The following UTP14C variants were observed in gnomAD, a reference collection of about 807,000 sequenced individuals.
The protein encoded by UTP14C is UTP14C small subunit processome component, also known as U3 small nucleolar RNA-associated protein 14 homolog C.
Under a neutral mutation model 14.6 loss-of-function variants are expected in UTP14C, and 10 were observed. The ratio of observed to expected loss-of-function variants is 0.68; its 90% CI spans 0.42 to 1.16. The LOEUF (loss-of-function observed/expected upper bound fraction) is 1.16, where lower values mean the gene tolerates loss of function less well. Among genes scored for constraint, UTP14C ranks in the 50% most tolerant of loss-of-function variants. The probability of loss-of-function intolerance (pLI) is 0.00; values close to 1 mark genes in which losing one functional copy is unlikely to be tolerated. For synonymous variants in UTP14C, 315 were observed against 331.6 expected (o/e 0.95, Z 0.54); for missense variants, 818 against 890.8 (o/e 0.92, Z 1.04).
At chr13:52,027,862 T>G (rs963903599) in intron 1 of UTP14C, among the ~76,000 whole-genome samples, 1 of 152,264 alleles carries the variant, frequency 6.6e-6, no homozygotes, top group African/African-American at 2.4e-5. Context: ...CCTGTTAATA[T>G]TCTACCATCT....
chr13:52,025,351 C>G (rs1217640585), intron 1 of UTP14C, among the ~76,000 whole-genome samples: 1 of 152,152 alleles, frequency 6.6e-6, no homozygotes, highest in African/African-American at 2.4e-5. Context: ...TTTCTCTCTC[C>G]ATCTAACCCC....
rs755920768 is a variant in UTP14C, at chr13:52,030,784, TAAG to T, written c.1983_1985del (p.Lys661del). The T allele has an allele frequency of 1.2e-6, 2 of 1,614,098 alleles. No individual in the cohort carries two copies. The highest frequency in any genetic ancestry group is 1.7e-5 in the Admixed American group (1 of 60,024). On this transcript the variant is annotated inframe_deletion, in exon 2 of 2. Coordinates refer to ENST00000521776, the MANE Select transcript of UTP14C (RefSeq NM_021645.6). ...CCCCTGAGGGTCCTCCAAGAAAAGA[TAAG>T]AATTTGCCAAATGTGATTATCAGTG...
In UTP14C at chr13:52,028,803, A is replaced by G. The variant is rs1401234090; in HGVS notation, c.-2A>G. 20 of 1,614,250 alleles carry G rather than the reference A, an allele frequency of 1.2e-5. No homozygotes were observed. Among genetic ancestry groups the G allele is most frequent in the Non-Finnish European group, 1.7e-5 (20 of 1,180,042 alleles). ...TATACATGAGAGAGGCTGGCTGCTGAGATGAATGTGAACCAGGTTGCAGAG... is the reference window on the plus strand; with the variant it reads ...TATACATGAGAGAGGCTGGCTGCTGGGATGAATGTGAACCAGGTTGCAGAG... On this transcript the variant is annotated 5_prime_UTR_variant, in exon 2 of 2. It removes the in-frame stop codon of an upstream open reading frame in the 5' UTR. Transcript: ENST00000521776.
Position 52,024,711 on chromosome 13 carries a change from T to C in UTP14C, c.-713T>C. 1 of 1,614,220 alleles carries C rather than the reference T, an allele frequency of 6.2e-7. No homozygotes were observed. The highest frequency in any genetic ancestry group is 8.5e-7 in the Non-Finnish European group (1 of 1,180,024). ...TCAGAGCCTTTGCTAAATTGCTGAA[T>C]AAGAAGATGGTTGAGTCACCTCCTT... On this transcript the variant is annotated 5_prime_UTR_variant, in exon 1 of 2. Transcript: ENST00000521776.
At chr13:52,026,750 A>C (rs895523423) in intron 1 of UTP14C, among the ~76,000 whole-genome samples, 2 of 152,178 alleles carry the variant, frequency 1.3e-5, no homozygotes, top group Non-Finnish European at 2.9e-5. Context: ...ATTTGAGTTC[A>C]TCTGTGGGAC....
In UTP14C at chr13:52,029,403, A is replaced by T; in HGVS notation, c.599A>T (p.Asp200Val). 6.2e-7 allele frequency: 1 copy of T among 1,614,160 alleles called. No homozygotes were observed. The highest frequency in any genetic ancestry group is 8.5e-7 in the Non-Finnish European group (1 of 1,180,040). Residue 200 changes from aspartate to valine, a missense_variant, in exon 2 of 2, where the codon GAT becomes GTT. Coordinates refer to ENST00000521776, the MANE Select transcript of UTP14C (RefSeq NM_021645.6). Reference sequence around the variant, plus strand: ...CATAAGAACAAGCAGCCAGTGACAGATCCTTTACTGACTCCCATGGAAAAG... The same window carrying T: ...CATAAGAACAAGCAGCCAGTGACAGTTCCTTTACTGACTCCCATGGAAAAG... ...LLHKNKQPVT[D>V]PLLTPMEKAS...
In UTP14C at chr13:52,030,316, G is replaced by A. The variant is rs2140852136; in HGVS notation, c.1512G>A (p.Glu504=). The A allele has an allele frequency of 1.9e-6, 3 of 1,614,220 alleles. No individual in the cohort carries two copies. Among genetic ancestry groups the A allele is most frequent in the Non-Finnish European group, 2.5e-6 (3 of 1,180,030 alleles). Residue 504 remains glutamate, a synonymous_variant, in exon 2 of 2, where the codon GAG becomes GAA. Transcript: ENST00000521776. ...EAEPLLLQRS[E]RVQTLEELEE... is the part of the protein sequence containing the mutation. ...AACCCCTATTGCTACAGAGGTCAGAGAGAGTACAAACTCTGGAAGAGCTAG... is the reference window on the plus strand; with the variant it reads ...AACCCCTATTGCTACAGAGGTCAGAAAGAGTACAAACTCTGGAAGAGCTAG...
In UTP14C at chr13:52,030,631, A is replaced by G; in HGVS notation, c.1827A>G (p.Lys609=). Residue 609 remains lysine, a synonymous_variant, in exon 2 of 2, where the codon AAA becomes AAG. Transcript: ENST00000521776. The part of the protein sequence containing the change: ...AGDDVIRDFL[K]EKREAVEASK... ...ATGATGTCATCAGAGATTTCTTGAA[A>G]GAGAAGAGGGAAGCTGTGGAGGCGA... is the stretch of plus-strand genomic sequence containing the variant. 2 of 1,613,580 alleles carry G rather than the reference A, an allele frequency of 1.2e-6. No individual in the cohort carries two copies. The highest frequency in any genetic ancestry group is 1.7e-6 in the Non-Finnish European group (2 of 1,179,956).
intron 1 of UTP14C, 143 bp from the exon 2 acceptor site, chr13:52,028,176 G>T: frequency 1.1e-6 from 1 of 933,934 alleles, no homozygotes. Flanking sequence ...TACTGTAGAA[G>T]TTGAATAAGC....
In UTP14C at chr13:52,031,132, A is replaced by G. The variant is rs537354895; in HGVS notation, c.*27A>G. The G allele has an allele frequency of 9.0e-5, 142 of 1,579,298 alleles. 1 individual carries two copies. In the South Asian group the frequency reaches 1.6e-3, roughly 17 times the overall value. On this transcript the variant is annotated 3_prime_UTR_variant, in exon 2 of 2. Coordinates refer to ENST00000521776, the MANE Select transcript of UTP14C (RefSeq NM_021645.6). ...TTGTGTAGCTGGAGAAGTGACAGTCAGGGGCCCTGATTCCACTTCCTTTGG... is the reference window on the plus strand; with the variant it reads ...TTGTGTAGCTGGAGAAGTGACAGTCGGGGGCCCTGATTCCACTTCCTTTGG...
Position 52,029,904 on chromosome 13 carries a change from T to C in UTP14C, c.1100T>C (p.Val367Ala). Residue 367 changes from valine (V) to alanine (A), a missense_variant, in exon 2 of 2, where the codon GTG (valine) becomes GCG (alanine). Transcript: ENST00000521776. ...PHVANEVQMN[V>A]DGPNPWMFRS... is the part of the protein sequence containing the mutation. ...GTAGCGAATGAAGTGCAGATGAATGTGGACGGACCGAATCCCTGGATGTTC... is the reference window on the plus strand; with the variant it reads ...GTAGCGAATGAAGTGCAGATGAATGCGGACGGACCGAATCCCTGGATGTTC... The C allele has an allele frequency of 4.3e-6, 7 of 1,614,198 alleles. No homozygotes were observed. The highest frequency in any genetic ancestry group is 5.9e-6 in the Non-Finnish European group (7 of 1,180,040).
At position 52,030,954 on chromosome 13, in the gene UTP14C, C is replaced by T. The variant is rs1350588666; in HGVS notation, c.2150C>T (p.Thr717Ile). Residue 717 changes from threonine (T) to isoleucine (I), a missense_variant, in exon 2 of 2, where the codon ACT (threonine) becomes ATT (isoleucine). By Grantham distance (89) the Thr-to-Ile change is moderately conservative. Coordinates refer to ENST00000521776, the MANE Select transcript of UTP14C (RefSeq NM_021645.6). ...NTQRAFQKLT[T>I]PKVVTKPGHI... ...CAGAGGGCTTTCCAAAAGCTGACTA[C>T]TCCCAAGGTCGTCACCAAGCCAGGC... The T allele has an allele frequency of 6.2e-7, 1 of 1,614,070 alleles. No homozygotes were observed. Among genetic ancestry groups the T allele is most frequent in the Non-Finnish European group, 8.5e-7 (1 of 1,180,034 alleles).
chr13:52,030,817 G>T lies in UTP14C; in HGVS notation c.2013G>T (p.Lys671Asn), dbSNP rs758161781. 6.2e-7 allele frequency: 1 copy of T among 1,614,152 alleles called. No individual in the cohort carries two copies. Among genetic ancestry groups the T allele is most frequent in the Non-Finnish European group, 8.5e-7 (1 of 1,180,036 alleles). ...TGCCAAATGTGATTATCAGTGAGAA[G>T]CGCAACATCCACGCAGCAGCTCATC... ...KNLPNVIISE[K>N]RNIHAAAHQV... Residue 671 changes from lysine (K) to asparagine (N), a missense_variant, in exon 2 of 2, where the codon AAG becomes AAT. Coordinates refer to ENST00000521776, the MANE Select transcript of UTP14C (RefSeq NM_021645.6).
Position 52,032,176 on chromosome 13 carries a change from T to A in UTP14C, c.*1071T>A, listed in dbSNP as rs1209335009. 1 of 153,868 alleles carries A rather than the reference T, an allele frequency of 6.5e-6. No individual in the cohort carries two copies. The highest frequency in any genetic ancestry group is 1.5e-5 in the Non-Finnish European group (1 of 68,058). 9.5% of individuals were successfully genotyped at this position (153,868 alleles called of 1,614,324 possible). ...GGCAGAGGTTGCAGTGAGCCAAGAT[T>A]GTGCCACTGCACTCTAGCCTGGGCA... On this transcript the variant is annotated 3_prime_UTR_variant, in exon 2 of 2. Coordinates refer to ENST00000521776, the MANE Select transcript of UTP14C (RefSeq NM_021645.6).
Position 52,028,750 on chromosome 13 carries a change from A to G in UTP14C, c.-55A>G, listed in dbSNP as rs765550103. ...AAAGGAAGTGTTGAAAAGAAAATGG[A>G]TGACTAGCCTTCGGCTTCCATTCTT... is the stretch of plus-strand genomic sequence containing the variant. On this transcript the variant is annotated 5_prime_UTR_variant, in exon 2 of 2. It removes an upstream start codon present in the reference 5' UTR. Coordinates refer to ENST00000521776, the MANE Select transcript of UTP14C (RefSeq NM_021645.6). The G allele has an allele frequency of 1.1e-4, 175 of 1,612,376 alleles. No homozygotes were observed. Among genetic ancestry groups the G allele is most frequent in the Non-Finnish European group, 1.4e-4 (160 of 1,178,754 alleles).
chr13:52,024,927 T>C lies in UTP14C; in HGVS notation c.-497T>C, dbSNP rs1418984574. 5 of 1,609,098 alleles carry C rather than the reference T, an allele frequency of 3.1e-6. No individual in the cohort carries two copies. The highest frequency in any genetic ancestry group is 2.2e-5 in the East Asian group (1 of 44,882). On this transcript the variant is annotated 5_prime_UTR_variant, in exon 1 of 2. Transcript: ENST00000521776. ...GTCTGCATACCATGTGGAACGAGCA[T>C]TTTGGGATTGGTGAGTTTGGCCTTT...
rs1260468124 is a variant in UTP14C, at chr13:52,029,486, A to G, written c.682A>G (p.Arg228Gly). 1 of 1,614,100 alleles carries G rather than the reference A, an allele frequency of 6.2e-7. No individual in the cohort carries two copies. The highest frequency in any genetic ancestry group is 2.2e-5 in the East Asian group (1 of 44,878). ...EAKMHRAELQ[R>G]ARALQSYYEA... ...AAAGATGCACCGAGCAGAGCTTCAG[A>G]GGGCTCGGGCTCTGCAGTCCTACTA... The change falls in exon 2 of 2, where the codon AGG becomes GGG. Residue 228 changes from arginine (R) to glycine (G), a missense_variant. By Grantham distance (125) the Arg-to-Gly change is moderately radical (BLOSUM62 -2). Transcript: ENST00000521776.
Position 52,032,701 on chromosome 13 carries a change from A to G in UTP14C, c.*1596A>G, listed in dbSNP as rs546727039. ...CAGTCACAGGATGTTCTGACACACC[A>G]TTGTAACTTTTTGTTAGAGATGATC... On this transcript the variant is annotated 3_prime_UTR_variant, in exon 2 of 2. Transcript: ENST00000521776. 1 of 167,240 alleles carries G rather than the reference A, an allele frequency of 6.0e-6. No individual in the cohort carries two copies. Among genetic ancestry groups the G allele is most frequent in the Non-Finnish European group, 1.5e-5 (1 of 68,112 alleles). 10.4% of individuals were successfully genotyped at this position (167,240 alleles called of 1,614,324 possible).
rs201892602 is a variant in UTP14C, at chr13:52,030,855, T to C, written c.2051T>C (p.Leu684Pro). 1.2e-6 allele frequency: 2 copies of C among 1,614,196 alleles called. No homozygotes were observed. The highest frequency in any genetic ancestry group is 1.7e-6 in the Non-Finnish European group (2 of 1,180,038). Residue 684 changes from leucine to proline, a missense_variant, in exon 2 of 2, where the codon CTT (leucine) becomes CCT (proline). Coordinates refer to ENST00000521776, the MANE Select transcript of UTP14C (RefSeq NM_021645.6). The part of the protein sequence containing the change: ...IHAAAHQVQV[L>P]PYPFTHHRQF... ...GCAGCAGCTCATCAGGTACAAGTGC[T>C]TCCATATCCATTTACCCACCATCGG...
Sources: allele counts gnomAD v4.1 joint callset (sites outside exome capture counted in the v4.1 genomes callset), GRCh38; gene constraint gnomAD v4.1.1; transcripts MANE v1.5; gene names NCBI Gene and HGNC (gene_info 2026-07-23, HGNC 2026-07-21).